The following DOK5 variants were observed in gnomAD, a reference collection of about 807,000 sequenced individuals.
The protein encoded by DOK5 is downstream of tyrosine kinase 5.
DOK5 carries 27 observed loss-of-function variants against 43.3 expected under a neutral mutation model. That is an observed-to-expected ratio of 0.62 (90% CI 0.46 to 0.86). The LOEUF (loss-of-function observed/expected upper bound fraction) is 0.86. Among genes scored for constraint, DOK5 ranks in the 40% least tolerant of loss-of-function variants. DOK5 has a pLI of 0.00. For synonymous variants in DOK5, 146 were observed against 140.1 expected, an observed-to-expected ratio of 1.04 and a Z score of -0.30; for missense variants, 373 against 392.9, an observed-to-expected ratio of 0.95 and a Z score of 0.43.
intron 2 of DOK5, among the ~76,000 whole-genome samples, chr20:54,580,134 A>G (rs1985590143): frequency 6.6e-6 from 1 of 152,142 alleles, no homozygotes; most frequent in Non-Finnish European, 1.5e-5. Context: ...GCTGCATAAT[A>G]TTGCATGGTG....
intron 6 of DOK5, among the ~76,000 whole-genome samples, chr20:54,613,210 C>G (rs933769595): frequency 6.6e-6 from 1 of 151,600 alleles, no homozygotes; most frequent in Non-Finnish European, 1.5e-5. Flanking sequence ...CTCTCTCTCT[C>G]TCTCTCTCGT....
intron 6 of DOK5, among the ~76,000 whole-genome samples, chr20:54,613,075 C>T (rs949137466): frequency 6.6e-6 from 1 of 152,180 alleles, no homozygotes; most frequent in South Asian, 2.1e-4. Context: ...CCATCATTAG[C>T]ATTGCTGTTA....
At chr20:54,611,657 TTAAG>T (rs1252023421) in intron 6 of DOK5, among the ~76,000 whole-genome samples, 3 of 152,190 alleles carry the variant, frequency 2.0e-5, no homozygotes, top group African/African-American at 7.2e-5. Flanking sequence ...TGCACAACAC[TTAAG>T]TAATGCACAT....
At chr20:54,601,238 A>G (rs960615345) in intron 5 of DOK5, among the ~76,000 whole-genome samples, 1 of 152,218 alleles carries the variant, frequency 6.6e-6, no homozygotes, top group Non-Finnish European at 1.5e-5. Context: ...TACCCCACTT[A>G]CTAAACTGCC....
At chr20:54,525,136 G>A (rs1457466622) in intron 1 of DOK5, among the ~76,000 whole-genome samples, 1 of 152,204 alleles carries the variant, frequency 6.6e-6, no homozygotes, top group African/African-American at 2.4e-5. Flanking sequence ...TGCCCTGAAA[G>A]GAAGTTGTCT....
intron 1 of DOK5, among the ~76,000 whole-genome samples, chr20:54,495,372 G>A (rs1982351996): frequency 6.6e-6 from 1 of 152,180 alleles, no homozygotes; most frequent in African/African-American, 2.4e-5. Context: ...TGTAGCCAGA[G>A]GGAAGAGAGA....
intron 5 of DOK5, among the ~76,000 whole-genome samples, chr20:54,595,207 A>T (rs987893347): frequency 1.3e-5 from 2 of 152,064 alleles, no homozygotes; most frequent in Admixed American, 1.3e-4. Context: ...CGGGCGTGGT[A>T]GTGGGCACCT....
intron 2 of DOK5, among the ~76,000 whole-genome samples, chr20:54,581,905 C>G (rs1985655369): frequency 6.6e-6 from 1 of 151,896 alleles, no homozygotes; most frequent in African/African-American, 2.4e-5. Flanking sequence ...TCTAATTGCT[C>G]TAGCTAGGAA....
chr20:54,476,159 G>T, intron 1 of DOK5, 147 bp downstream of exon 1: 9 of 1,516,614 alleles, frequency 5.9e-6, no homozygotes, highest in Non-Finnish European at 7.9e-6. Flanking sequence ...GCGTCTCCGG[G>T]GCTGTCACTG....
chr20:54,632,669 T>C (rs1372762462), intron 6 of DOK5, among the ~76,000 whole-genome samples: 1 of 152,238 alleles, frequency 6.6e-6, no homozygotes, highest in East Asian at 1.9e-4. Context: ...CTTACCACCG[T>C]GGAAAATTTC....
chr20:54,560,297 C>G (rs6023362), intron 2 of DOK5, among the ~76,000 whole-genome samples: 2 of 152,040 alleles, frequency 1.3e-5, no homozygotes, highest in Non-Finnish European at 2.9e-5. Context: ...GAGTCATCCC[C>G]TCCTCATGTA....
intron 4 of DOK5, among the ~76,000 whole-genome samples, chr20:54,589,262 T>G (rs1397818565): frequency 6.6e-6 from 1 of 152,208 alleles, no homozygotes; most frequent in Non-Finnish European, 1.5e-5. Flanking sequence ...AGTTTACAGA[T>G]TTTAAAATGT....
intron 6 of DOK5, among the ~76,000 whole-genome samples, chr20:54,642,211 T>G (rs1294976460): frequency 6.6e-6 from 1 of 152,164 alleles, no homozygotes; most frequent in Non-Finnish European, 1.5e-5. Context: ...TTCCCCGATG[T>G]GGTTGGTCAG....
At chr20:54,579,527 A>T (rs1009197061) in intron 2 of DOK5, among the ~76,000 whole-genome samples, 1 of 152,066 alleles carries the variant, frequency 6.6e-6, no homozygotes, top group South Asian at 2.1e-4. Context: ...TGTGACTAGA[A>T]TTCTATATTC....
chr20:54,491,340 TA>T (rs540689084), intron 1 of DOK5, among the ~76,000 whole-genome samples: 99 of 152,296 alleles, frequency 6.5e-4, no homozygotes, highest in Non-Finnish European at 1.3e-3. Context: ...CATGTTAAAT[TA>T]TGAAAGAGGC....
chr20:54,604,550 CTA>C (rs1986404719), intron 5 of DOK5, among the ~76,000 whole-genome samples: 1 of 152,278 alleles, frequency 6.6e-6, no homozygotes, highest in African/African-American at 2.4e-5. Context: ...AAGAGAAAGC[CTA>C]TGTTTACATC....
chr20:54,552,967 A>C (rs546970512), intron 1 of DOK5, among the ~76,000 whole-genome samples: 1 of 152,334 alleles, frequency 6.6e-6, no homozygotes, highest in African/African-American at 2.4e-5. Flanking sequence ...TATGTTTTGA[A>C]GGACCAAATA....
intron 7 of DOK5, among the ~76,000 whole-genome samples, chr20:54,649,821 A>G (rs1420058913): frequency 6.6e-6 from 1 of 152,224 alleles, no homozygotes; most frequent in Non-Finnish European, 1.5e-5. Context: ...AGTAGTCGCA[A>G]TGAGACCATA....
intron 2 of DOK5, among the ~76,000 whole-genome samples, chr20:54,587,394 G>A (rs1015170120): frequency 1.3e-5 from 2 of 152,098 alleles, no homozygotes; most frequent in African/African-American, 4.8e-5. Flanking sequence ...CTTGAGCTAA[G>A]CATTTATTGA....
Sources: allele counts gnomAD v4.1 joint callset (sites outside exome capture counted in the v4.1 genomes callset), GRCh38; gene constraint gnomAD v4.1.1; transcripts MANE v1.5; gene names NCBI Gene and HGNC (gene_info 2026-07-23, HGNC 2026-07-21).